The following NPAS1 variants were observed in gnomAD, a reference collection of about 807,000 sequenced individuals.
NPAS1 encodes the protein neuronal PAS domain-containing protein 1.
NPAS1 carries 29 observed loss-of-function variants against 49.2 expected under a neutral mutation model. That is an observed-to-expected ratio of 0.59 (90% CI 0.44 to 0.80). The LOEUF is 0.80. NPAS1 is among the 30% of genes least tolerant of loss of function. NPAS1 has a pLI of 0.00. For synonymous variants in NPAS1, 408 were observed against 380.4 expected (o/e 1.07, Z -0.84); for missense variants, 825 against 835.5 (o/e 0.99, Z 0.15).
chr19:47,039,164 A>C lies in NPAS1; in HGVS notation c.804+13A>C, dbSNP rs779699213. On this transcript the variant is annotated intron_variant, in intron 7 of 11. Transcript: ENST00000602212. ...CTCAGGGTACAAGGTGGGTGTGAGC[A>C]GTCAGGCTCCTGTATTCCAGGCAGC... 1.3e-6 allele frequency: 2 copies of C among 1,590,254 alleles called. No homozygotes were observed. Among genetic ancestry groups the C allele is most frequent in the Admixed American group, 1.7e-5 (1 of 57,256 alleles).
At position 47,042,811 on chromosome 19, in the gene NPAS1, C is replaced by A. The variant is rs184714862; in HGVS notation, c.1219C>A (p.Gln407Lys). Reference sequence around the variant, plus strand: ...TAACCGCATCCATCTTCTCCCCAGCCAAGCCGAGGGTGGCCAAACTCCTTT... The same window carrying A: ...TAACCGCATCCATCTTCTCCCCAGCAAAGCCGAGGGTGGCCAAACTCCTTT... ...HVLWVSHVLS[Q>K]AEGGQTPLDA... is the part of the protein sequence containing the mutation. The change falls in exon 11 of 12, where the codon CAA (glutamine) becomes AAA (lysine). Residue 407 changes from glutamine to lysine, a missense_variant and splice_region_variant. Physicochemically the swap from Gln to Lys is moderately conservative, Grantham distance 53. Transcript: ENST00000602212. 3 of 1,602,156 alleles carry A rather than the reference C, an allele frequency of 1.9e-6. No homozygotes were observed. The African/African-American group carries it at 4.0e-5, about 22-fold the overall frequency.
intron 8 of NPAS1, 32 bp from the exon 9 acceptor site, chr19:47,040,412 G>T: frequency 6.7e-7 from 1 of 1,484,254 alleles, no homozygotes; most frequent in Non-Finnish European, 9.2e-7. Flanking sequence ...CCGTGGTCTT[G>T]GACTCCTCCC....
chr19:47,038,647 C>A (rs527334793), intron 6 of NPAS1, among the ~76,000 whole-genome samples: 17 of 152,062 alleles, frequency 1.1e-4, no homozygotes, highest in African/African-American at 3.9e-4. Context: ...GCCAACATGG[C>A]AAAACCCCGT....
rs759280181 is a variant in NPAS1, at chr19:47,021,065, C to T, written c.18C>T (p.Pro6=). 5.6e-6 allele frequency: 9 copies of T among 1,606,304 alleles called. No homozygotes were observed. The highest frequency in any genetic ancestry group is 6.8e-6 in the Non-Finnish European group (8 of 1,177,438). The change falls in exon 2 of 12, where the codon CCC becomes CCT. Residue 6 remains proline (P), a synonymous_variant. Transcript: ENST00000602212. This position sits in a 1 kb window ranked among gnomAD's most constrained non-coding sequence, Gnocchi z 5.7. Reference sequence around the variant, plus strand: ...CCCCGGAGATGGCGGCCCCCTATCCCGGCAGTGGCGGCGGAAGCGAGGTCA... The same window carrying T: ...CCCCGGAGATGGCGGCCCCCTATCCTGGCAGTGGCGGCGGAAGCGAGGTCA... The part of the protein sequence containing the change: MAAPY[P]GSGGGSEVKC...
chr19:47,041,952 C>A (rs1404279839), intron 10 of NPAS1, among the ~76,000 whole-genome samples: 2 of 145,138 alleles, frequency 1.4e-5, no homozygotes, highest in Non-Finnish European at 3.0e-5. Context: ...TGCTCTCCAG[C>A]CTGGGCGACA....
chr19:47,040,799 C>A, intron 9 of NPAS1, 179 bp from the exon 10 acceptor site: 1 of 636,486 alleles, frequency 1.6e-6, no homozygotes, highest in Non-Finnish European at 2.7e-6. Context: ...CGCTGCTGGG[C>A]TACCTCTCAG....
intron 6 of NPAS1, among the ~76,000 whole-genome samples, 196 bp from the exon 7 acceptor site, chr19:47,038,840 A>AGGATGC (rs1181366022): frequency 1.3e-5 from 2 of 151,978 alleles, no homozygotes; most frequent in Admixed American, 1.3e-4. Context: ...AAAAAAAGAA[A>AGGATGC]GGATGCGGAT....
chr19:47,038,254 C>A (rs984912726), intron 6 of NPAS1, among the ~76,000 whole-genome samples: 4 of 152,232 alleles, frequency 2.6e-5, no homozygotes, highest in Admixed American at 1.3e-4. Context: ...CGCAGTGGCT[C>A]ACGCCTGTAA....
Position 47,021,828 on chromosome 19 carries a change from G to C in NPAS1, c.339G>C (p.Ala113=). The change falls in exon 3 of 12, where the codon GCG becomes GCC. Residue 113 remains alanine (A), a synonymous_variant. Coordinates refer to ENST00000602212, the MANE Select transcript of NPAS1 (RefSeq NM_002517.4). The surrounding 1 kb of genome is among the most constrained non-coding windows in gnomAD (Gnocchi z 5.7). ...LGAPPWGLRA[A]GPPAGLAPGR... ...CGCCGCCCTGGGGGCTGAGAGCCGC[G>C]GGGCCGCCAGCTGGCCTCGGTGAGT... 5.3e-6 allele frequency: 8 copies of C among 1,506,602 alleles called. No homozygotes were observed. Among genetic ancestry groups the C allele is most frequent in the South Asian group, 5.0e-5 (4 of 79,490 alleles). The allele number at this position is 1,506,602 out of a possible 1,614,324, so 93.3% of individuals were successfully genotyped here. A position where few individuals can be genotyped will look rare whatever the true frequency, so the allele number is the denominator to read the frequency against.
chr19:47,037,614 G>A (rs1375458551), intron 6 of NPAS1, among the ~76,000 whole-genome samples: 2 of 152,036 alleles, frequency 1.3e-5, no homozygotes, highest in African/African-American at 2.4e-5. Context: ...TACCCTGCCG[G>A]CTCTTTTTAG....
intron 6 of NPAS1, among the ~76,000 whole-genome samples, chr19:47,036,754 G>T (rs937353048): frequency 2.6e-5 from 4 of 151,330 alleles, no homozygotes; most frequent in South Asian, 2.1e-4. Context: ...ATGGTGGGGG[G>T]TGCCTGAGTC....
At chr19:47,032,081 G>A (rs1361837452) in intron 3 of NPAS1, among the ~76,000 whole-genome samples, 197 bp from the exon 4 acceptor site, 1 of 152,108 alleles carries the variant, frequency 6.6e-6, no homozygotes, top group Non-Finnish European at 1.5e-5. Context: ...GTCTGTCTCT[G>A]TGAGTCAGTC....
intron 11 of NPAS1, 26 bp downstream of exon 11, chr19:47,042,930 C>T: frequency 6.6e-7 from 1 of 1,522,210 alleles, no homozygotes; most frequent in South Asian, 1.3e-5. Flanking sequence ...CACCTTGGCC[C>T]CTGGGAAGCT....
Position 47,021,424 on chromosome 19 carries a change from C to T in NPAS1, c.123-188C>T, listed in dbSNP as rs1406271751. Among the ~76,000 whole-genome samples the T allele has an allele frequency of 6.6e-6, 1 of 152,232 alleles. No homozygotes were observed. The highest frequency in any genetic ancestry group is 1.5e-5 in the Non-Finnish European group (1 of 68,034). The stretch of plus-strand genomic sequence containing the variant: ...CTCCTCCTTCCCACCAGAATTGACA[C>T]TCGAGGTTCTGTCCCTGGGTCGGAG... On this transcript the variant is annotated intron_variant, in intron 2 of 11. Coordinates refer to ENST00000602212, the MANE Select transcript of NPAS1 (RefSeq NM_002517.4). The surrounding 1 kb of genome is among the most constrained non-coding windows in gnomAD (Gnocchi z 5.7).
rs1480568887 is a variant in NPAS1, at chr19:47,045,592, C to T, written c.1714C>T (p.Pro572Ser). 2 of 1,474,812 alleles carry T rather than the reference C, an allele frequency of 1.4e-6. No individual in the cohort carries two copies. Among genetic ancestry groups the T allele is most frequent in the Middle Eastern group, 2.4e-4 (1 of 4,152 alleles). 91.4% of individuals were successfully genotyped at this position (1,474,812 alleles called of 1,614,324 possible). A position where few individuals can be genotyped will look rare whatever the true frequency, so the allele number is the denominator to read the frequency against. ...GPALPEAFYP[P>S]LGLPYPGPAG... is the part of the protein sequence containing the mutation. Reference sequence around the variant, plus strand: ...CGCGCTCCCGGAGGCCTTTTACCCGCCCCTGGGCCTGCCCTACCCGGGGCC... The same window carrying T: ...CGCGCTCCCGGAGGCCTTTTACCCGTCCCTGGGCCTGCCCTACCCGGGGCC... The change falls in exon 12 of 12, where the codon CCC (proline) becomes TCC (serine). Residue 572 changes from proline to serine, a missense_variant. Pro to Ser is a moderately conservative substitution (Grantham distance 74). Transcript: ENST00000602212.
chr19:47,029,804 G>A (rs1355143440), intron 3 of NPAS1, among the ~76,000 whole-genome samples: 4 of 152,104 alleles, frequency 2.6e-5, no homozygotes, highest in Non-Finnish European at 5.9e-5. Flanking sequence ...ATGCTACAAC[G>A]CCTGTTTTCA....
At chr19:47,023,033 T>A (rs2122430100) in intron 3 of NPAS1, among the ~76,000 whole-genome samples, 2 of 152,204 alleles carry the variant, frequency 1.3e-5, no homozygotes, top group South Asian at 4.1e-4. Flanking sequence ...TTGGAGGGGC[T>A]CCAATTCCCC....
intron 10 of NPAS1, 150 bp downstream of exon 10, chr19:47,041,275 A>T (rs1458392889): frequency 3.8e-6 from 3 of 786,744 alleles, no homozygotes; most frequent in African/African-American, 1.8e-5. Flanking sequence ...GGATGGTGAG[A>T]GCAGAGGCCC....
rs1390911249 is a variant in NPAS1 at position 47,045,574 on chromosome 19, C to T, written c.1696C>T (p.Pro566Ser). Reference sequence around the variant, plus strand: ...GAGGCTGGGTCCGGGCCCCGCGCTCCCGGAGGCCTTTTACCCGCCCCTGGG... The same window carrying T: ...GAGGCTGGGTCCGGGCCCCGCGCTCTCGGAGGCCTTTTACCCGCCCCTGGG... ...LQRLGPGPAL[P>S]EAFYPPLGLP... Residue 566 changes from proline (P) to serine (S), a missense_variant, in exon 12 of 12, where the codon CCG (proline) becomes TCG (serine). Pro to Ser is a moderately conservative substitution (Grantham distance 74). Coordinates refer to ENST00000602212, the MANE Select transcript of NPAS1 (RefSeq NM_002517.4). 1.3e-6 allele frequency: 2 copies of T among 1,491,606 alleles called. No homozygotes were observed. The highest frequency in any genetic ancestry group is 2.4e-4 in the Middle Eastern group (1 of 4,210). 92.4% of individuals were successfully genotyped at this position (1,491,606 alleles called of 1,614,324 possible).
Sources: allele counts gnomAD v4.1 joint callset (sites outside exome capture counted in the v4.1 genomes callset), GRCh38; gene constraint gnomAD v4.1.1; non-coding constraint Gnocchi (gnomAD v3.1); transcripts MANE v1.5; gene names NCBI Gene and HGNC (gene_info 2026-07-23, HGNC 2026-07-21).